ABL2: variants seen among roughly 807,000 people sequenced by gnomAD.
ABL2 encodes tyrosine-protein kinase ABL2.
ABL2 carries 49 observed loss-of-function variants against 107.7 expected under a neutral mutation model. The observed-to-expected ratio is 0.45, with a 90% CI of 0.36 to 0.58. The LOEUF (loss-of-function observed/expected upper bound fraction) is 0.58, where lower values mean the gene tolerates loss of function less well. Ranked by LOEUF, ABL2 falls within the 20% of genes least tolerant of loss-of-function variation. ABL2 has a pLI of 0.00. For synonymous variants in ABL2, 549 were observed against 548.6 expected (o/e 1.00, Z -0.01); for missense variants, 1,245 against 1,457.0 (o/e 0.85, Z 2.37).
At chr1:179,166,603 C>G (rs986586850) in intron 1 of ABL2, among the ~76,000 whole-genome samples, 8 of 151,602 alleles carry the variant, frequency 5.3e-5, no homozygotes, top group Non-Finnish European at 8.8e-5. Flanking sequence ...ATGGTGAAAC[C>G]CCGTCTCTAC....
chr1:179,132,598 C>A (rs28914513), intron 2 of ABL2, among the ~76,000 whole-genome samples: 1 of 151,856 alleles, frequency 6.6e-6, no homozygotes, highest in Non-Finnish European at 1.5e-5. Context: ...AGTGCAATGG[C>A]GTGATCTCGG....
intron 1 of ABL2, among the ~76,000 whole-genome samples, chr1:179,197,096 A>G (rs548531408): frequency 3.3e-4 from 51 of 152,342 alleles, no homozygotes; most frequent in African/African-American, 1.2e-3. Context: ...ACCATTCAAG[A>G]GGGAAAGAAA....
At chr1:179,209,622 C>A (rs1274227723) in intron 1 of ABL2, among the ~76,000 whole-genome samples, 1 of 152,214 alleles carries the variant, frequency 6.6e-6, no homozygotes, top group Admixed American at 6.5e-5. Flanking sequence ...ATTTACCCAT[C>A]TGTAATTCAA....
intron 1 of ABL2, among the ~76,000 whole-genome samples, chr1:179,170,795 A>C (rs1425487216): frequency 6.6e-6 from 1 of 152,180 alleles, no homozygotes; most frequent in East Asian, 1.9e-4. Context: ...GGGTTTCACC[A>C]TGTTGGCCAG....
intron 1 of ABL2, chr1:179,143,129 T>C: frequency 6.5e-7 from 1 of 1,533,140 alleles, no homozygotes; most frequent in South Asian, 1.3e-5. Flanking sequence ...CAATACCACA[T>C]GCATGTGACA....
chr1:179,229,316 C>A lies in ABL2; in HGVS notation c.82G>T (p.Ala28Ser). 6.3e-7 allele frequency: 1 copy of A among 1,585,080 alleles called. No homozygotes were observed. The highest frequency in any genetic ancestry group is 8.6e-7 in the Non-Finnish European group (1 of 1,168,238). Residue 28 changes from alanine to serine, a missense_variant, in exon 1 of 12, where the codon GCC becomes TCC. Physicochemically the swap from Ala to Ser is moderately conservative, Grantham distance 99 (BLOSUM62 1). This residue lies in a region of ABL2 where 164 missense variants were observed against 143.7 expected (regional missense o/e 1.14). Transcript: ENST00000502732. ...QPRGIRGSSAARPSGRRRDPA... is the reference protein window; with the variant it reads ...QPRGIRGSSASRPSGRRRDPA... ...TCCCGCCTGCGGCCGGAGGGCCTGG[C>A]TGCACTGCTGCCCCGGATCCCGCGG...
At position 179,107,488 on chromosome 1, in the gene ABL2, C is replaced by T; in HGVS notation, c.*230G>A. On this transcript the variant is annotated 3_prime_UTR_variant, in exon 12 of 12. Coordinates refer to ENST00000502732, the MANE Select transcript of ABL2 (RefSeq NM_007314.4). ...CTATTTTCCAGTGCAGTTTCCAACC[C>T]TGTCCACTACTGCCTTGCCCCCACT... The T allele has an allele frequency of 1.1e-5, 8 of 721,646 alleles. No individual in the cohort carries two copies. The highest frequency in any genetic ancestry group is 1.7e-5 in the Non-Finnish European group (8 of 483,768). 44.7% of individuals were successfully genotyped at this position (721,646 alleles called of 1,614,324 possible).
intron 1 of ABL2, among the ~76,000 whole-genome samples, chr1:179,141,619 C>T (rs1657597097): frequency 6.6e-6 from 1 of 152,196 alleles, no homozygotes; most frequent in African/African-American, 2.4e-5. Context: ...AACAATCCTT[C>T]TTATTCCCCA....
chr1:179,176,002 T>G (rs1660022862), intron 1 of ABL2, among the ~76,000 whole-genome samples: 2 of 151,896 alleles, frequency 1.3e-5, no homozygotes, highest in African/African-American at 4.8e-5. Flanking sequence ...ATTACAGGTG[T>G]GTGCCACCAC....
At chr1:179,121,909 T>C in intron 4 of ABL2, 42 bp from the exon 5 acceptor site, 1 of 1,202,602 alleles carries the variant, frequency 8.3e-7, no homozygotes, top group Non-Finnish European at 1.1e-6. Flanking sequence ...TGAAAAGAGA[T>C]TAAGAATTTT....
At position 179,102,985 on chromosome 1, in the gene ABL2, A is replaced by G. The variant is rs756661353; in HGVS notation, c.*4733T>C. The G allele has an allele frequency of 1.3e-5, 3 of 225,454 alleles. No homozygotes were observed. The highest frequency in any genetic ancestry group is 4.4e-5 in the African/African-American group (2 of 44,952). The allele number at this position is 225,454 out of a possible 1,614,324, so 14.0% of individuals were successfully genotyped here. On this transcript the variant is annotated 3_prime_UTR_variant, in exon 12 of 12. Coordinates refer to ENST00000502732, the MANE Select transcript of ABL2 (RefSeq NM_007314.4). ...AAACTATGCAGGACATAGGTTAAAA[A>G]AGACACTGTCAACATCAACAGATAA...
At chr1:179,124,959 C>A (rs1041051101) in intron 4 of ABL2, among the ~76,000 whole-genome samples, 12 of 152,180 alleles carry the variant, frequency 7.9e-5, no homozygotes, top group Non-Finnish European at 2.9e-5. Flanking sequence ...CTAGAACATT[C>A]TCATTACCTC....
chr1:179,099,970 T>C lies in ABL2; in HGVS notation c.*7748A>G, dbSNP rs955544707. The C allele has an allele frequency of 3.0e-5, 7 of 232,430 alleles. No individual in the cohort carries two copies. The highest frequency in any genetic ancestry group is 6.0e-5 in the Non-Finnish European group (7 of 117,640). The allele number at this position is 232,430 out of a possible 1,614,324, so 14.4% of individuals were successfully genotyped here. A position where few individuals can be genotyped will look rare whatever the true frequency, so the allele number is the denominator to read the frequency against. On this transcript the variant is annotated 3_prime_UTR_variant, in exon 12 of 12. Coordinates refer to ENST00000502732, the MANE Select transcript of ABL2 (RefSeq NM_007314.4). ...TTCATCCAAGGAAAGATCTGAGCGA[T>C]TCCTCTTTTACTTACTCCCCCTTTC...
At chr1:179,124,463 G>GTTTTT (rs1462541075) in intron 4 of ABL2, among the ~76,000 whole-genome samples, 17 of 39,456 alleles carry the variant, frequency 4.3e-4, no homozygotes, top group South Asian at 1.5e-3. Flanking sequence ...ATTAGCTTCT[G>GTTTTT]CTTTTTTTTT....
At chr1:179,152,572 TTGTG>T (rs1268351100) in intron 1 of ABL2, among the ~76,000 whole-genome samples, 1 of 152,120 alleles carries the variant, frequency 6.6e-6, no homozygotes, top group Non-Finnish European at 1.5e-5. Flanking sequence ...GCGTTTGTGT[TTGTG>T]TGTAAGTAAA....
rs1274126440 is a variant in ABL2 at position 179,108,834 on chromosome 1, C to G, written c.2433G>C (p.Gln811His). 3 of 1,614,046 alleles carry G rather than the reference C, an allele frequency of 1.9e-6. No individual in the cohort carries two copies. Among genetic ancestry groups the G allele is most frequent in the Admixed American group, 1.7e-5 (1 of 60,012 alleles). Residue 811 changes from glutamine (Q) to histidine (H), a missense_variant, in exon 12 of 12, where the codon CAG (glutamine) becomes CAC (histidine). By Grantham distance (24) the Gln-to-His change is conservative. Around this residue, in one of 3 missense-constraint regions of ABL2, gnomAD observed 761 missense variants for 766.4 expected, o/e 0.99. Coordinates refer to ENST00000502732, the MANE Select transcript of ABL2 (RefSeq NM_007314.4). ...AAGAGGTGGACACTGTCCTTTCCAG[C>G]TGGAGTTTGGACCTCTGGCAGTTCC... ...LPRNCQRSKL[Q>H]LERTVSTSSQ...
rs1420244583 is a variant in ABL2, at chr1:179,154,903, G to A, written c.158-21529C>T. The stretch of plus-strand genomic sequence containing the variant: ...ACAGTATGATCACGGATTTTCCTCT[G>A]TATTTAATCACTGTACCTTGCACAT... On this transcript the variant is annotated intron_variant, in intron 1 of 11. Coordinates refer to ENST00000502732, the MANE Select transcript of ABL2 (RefSeq NM_007314.4). 5.9e-5 allele frequency among the ~76,000 whole-genome samples: 9 copies of A among 152,134 alleles called. 1 individual carries two copies. Among genetic ancestry groups the A allele is most frequent in the Non-Finnish European group, 1.3e-4 (9 of 68,028 alleles).
intron 1 of ABL2, among the ~76,000 whole-genome samples, chr1:179,175,455 G>A (rs2102784914): frequency 6.6e-6 from 1 of 152,342 alleles, no homozygotes; most frequent in Middle Eastern, 3.4e-3. Flanking sequence ...GGAACTGGCA[G>A]AGACCAGACT....
intron 1 of ABL2, among the ~76,000 whole-genome samples, chr1:179,180,821 T>A (rs1660336142): frequency 6.6e-6 from 1 of 152,226 alleles, no homozygotes; most frequent in African/African-American, 2.4e-5. Context: ...ATGATAAAGA[T>A]CAGTTCAGAG....
Sources: gnomAD v4.1 joint callset for allele counts (sites outside exome capture counted in the v4.1 genomes callset) on GRCh38, gnomAD v4.1.1 for gene constraint, gnomAD v4.1.1 regional missense constraint, MANE v1.5 for transcripts, NCBI Gene and HGNC (gene_info 2026-07-23, HGNC 2026-07-21) for gene names.